NBAS: variants seen among roughly 807,000 people sequenced by gnomAD.
The protein encoded by NBAS is NBAS subunit of NRZ tethering complex.
Under a neutral mutation model 302.5 loss-of-function variants are expected in NBAS, and 219 were observed. The observed-to-expected ratio is 0.72, with a 90% CI of 0.65 to 0.81. The LOEUF (loss-of-function observed/expected upper bound fraction) is 0.81. Among genes scored for constraint, NBAS ranks in the 30% least tolerant of loss-of-function variants. The pLI is 0.00. For missense variants in NBAS, 2,932 were observed against 2,841.6 expected (o/e 1.03, Z -0.72); for synonymous variants, 1,118 against 1,021.6 (o/e 1.09, Z -1.80).
At chr2:14,885,369 T>G in the NBAS span, among the ~76,000 whole-genome samples, 1 of 152,064 alleles carries the variant, frequency 6.6e-6, no homozygotes, top group Admixed American at 6.5e-5. Context: ...GTTTTTGGAT[T>G]GAGTAATAAG....
the NBAS span, among the ~76,000 whole-genome samples, chr2:15,097,972 G>C: frequency 6.0e-3 from 542 of 89,688 alleles, 2 homozygotes; most frequent in African/African-American, 0.018. Flanking sequence ...ATATTATATT[G>C]TATATAATAT....
intron 44 of NBAS, among the ~76,000 whole-genome samples, chr2:15,244,385 A>T (rs1244391860): frequency 6.6e-6 from 1 of 152,050 alleles, no homozygotes; most frequent in Non-Finnish European, 1.5e-5. Flanking sequence ...AACTGGGGTC[A>T]TGGAGAACAA....
At chr2:15,219,198 T>A (rs556431499) in intron 47 of NBAS, among the ~76,000 whole-genome samples, 2 of 152,336 alleles carry the variant, frequency 1.3e-5, no homozygotes, top group South Asian at 4.1e-4. Flanking sequence ...TAAAATGAGT[T>A]ATATAAAGCA....
the NBAS span, among the ~76,000 whole-genome samples, chr2:14,912,677 G>A: frequency 7.4e-6 from 1 of 134,332 alleles, no homozygotes; most frequent in Non-Finnish European, 1.5e-5. Context: ...GGTATGTTGT[G>A]AAATTTCTCA....
At chr2:15,441,295 A>C (rs1678386605) in intron 21 of NBAS, among the ~76,000 whole-genome samples, 1 of 152,250 alleles carries the variant, frequency 6.6e-6, no homozygotes, top group East Asian at 1.9e-4. Context: ...CCATCAGACT[A>C]ACAGCGGATC....
the NBAS span, among the ~76,000 whole-genome samples, chr2:15,064,822 A>C: frequency 6.6e-6 from 1 of 152,284 alleles, no homozygotes; most frequent in Admixed American, 6.5e-5. Flanking sequence ...TCTCAGATGA[A>C]CATAGATGCA....
the NBAS span, among the ~76,000 whole-genome samples, chr2:15,139,511 T>C: frequency 6.6e-6 from 1 of 152,122 alleles, no homozygotes; most frequent in African/African-American, 2.4e-5. Flanking sequence ...GGTGTGTGTG[T>C]GTGTGTGTGT....
At chr2:15,013,787 A>C in the NBAS span, among the ~76,000 whole-genome samples, 1 of 152,114 alleles carries the variant, frequency 6.6e-6, no homozygotes, top group East Asian at 1.9e-4. Flanking sequence ...TCCACCTCAA[A>C]AATTAATTAA....
chr2:15,467,435 T>G, intron 18 of NBAS, 28 bp from the exon 19 acceptor site: 1 of 1,544,238 alleles, frequency 6.5e-7, no homozygotes, highest in Non-Finnish European at 9.0e-7. Context: ...GTTAGGCCAC[T>G]TATATTTACA....
the NBAS span, among the ~76,000 whole-genome samples, chr2:14,866,853 G>A: frequency 6.6e-6 from 1 of 152,118 alleles, no homozygotes; most frequent in Non-Finnish European, 1.5e-5. Flanking sequence ...TCTGAAATGG[G>A]CCTTGGCTCA....
At chr2:15,036,529 CA>C in the NBAS span, among the ~76,000 whole-genome samples, 1 of 152,126 alleles carries the variant, frequency 6.6e-6, no homozygotes, top group Non-Finnish European at 1.5e-5. Flanking sequence ...AGTCACTTTC[CA>C]CCTTAACACT....
the NBAS span, among the ~76,000 whole-genome samples, chr2:14,925,481 TA>T: frequency 6.6e-6 from 1 of 152,168 alleles, no homozygotes; most frequent in African/African-American, 2.4e-5. Flanking sequence ...TGTTAACCCA[TA>T]AAATATGCTC....
chr2:15,222,006 C>A (rs1666968676), intron 47 of NBAS, among the ~76,000 whole-genome samples: 1 of 152,180 alleles, frequency 6.6e-6, no homozygotes, highest in African/African-American at 2.4e-5. Flanking sequence ...AGCCTCAGTT[C>A]CCTTATTCGT....
the NBAS span, among the ~76,000 whole-genome samples, chr2:14,906,239 C>T: frequency 6.6e-6 from 1 of 152,176 alleles, no homozygotes; most frequent in African/African-American, 2.4e-5. Context: ...GCACTGTGCA[C>T]AATTTGTGTC....
At chr2:14,961,940 C>T in the NBAS span, among the ~76,000 whole-genome samples, 2 of 152,112 alleles carry the variant, frequency 1.3e-5, no homozygotes, top group Non-Finnish European at 2.9e-5. Flanking sequence ...CCACCACACC[C>T]AGCTAATGTT....
the NBAS span, among the ~76,000 whole-genome samples, chr2:15,128,182 T>C: frequency 6.6e-6 from 1 of 152,132 alleles, no homozygotes; most frequent in Admixed American, 6.5e-5. Context: ...CAAGCTGAGT[T>C]TTTCTCAACT....
chr2:14,818,034 G>A, the NBAS span, among the ~76,000 whole-genome samples: 1 of 152,036 alleles, frequency 6.6e-6, no homozygotes, highest in South Asian at 2.1e-4. Flanking sequence ...CACCCACGAA[G>A]TTCACAAGTC....
chr2:15,366,642 G>T lies in NBAS; in HGVS notation c.3755C>A (p.Ser1252Tyr), dbSNP rs114866170. ...ISLIKECISQSPTCYKQSTKL... is the reference protein window; with the variant it reads ...ISLIKECISQYPTCYKQSTKL... Reference sequence around the variant, plus strand: ...GGTGGATTGTTTATAGCATGTGGGGGACTGGGAAATACACTCCTTGATGAG... The same window carrying T: ...GGTGGATTGTTTATAGCATGTGGGGTACTGGGAAATACACTCCTTGATGAG... The change falls in exon 32 of 52, where the codon TCC (serine) becomes TAC (tyrosine). Residue 1252 changes from serine (S) to tyrosine (Y), a missense_variant. Physicochemically the swap from Ser to Tyr is moderately radical, Grantham distance 144. Coordinates refer to ENST00000281513, the MANE Select transcript of NBAS (RefSeq NM_015909.4). 1.4e-3 allele frequency: 2,288 copies of T among 1,614,074 alleles called. 21 individuals are homozygous for T. In the African/African-American group the frequency reaches 0.026, roughly 19 times the overall value.
At chr2:15,119,974 A>G in the NBAS span, among the ~76,000 whole-genome samples, 3 of 152,170 alleles carry the variant, frequency 2.0e-5, no homozygotes, top group Admixed American at 2.0e-4. Flanking sequence ...TGTGTCTCCC[A>G]AGCCCACTGC....
Sources: gnomAD v4.1 joint callset for allele counts (sites outside exome capture counted in the v4.1 genomes callset) on GRCh38, gnomAD v4.1.1 for gene constraint, MANE v1.5 for transcripts, NCBI Gene and HGNC (gene_info 2026-07-23, HGNC 2026-07-21) for gene names.